The following GFPT2 variants were observed in gnomAD, a reference collection of about 807,000 sequenced individuals.
GFPT2 encodes glutamine--fructose-6-phosphate aminotransferase [isomerizing] 2.
GFPT2 carries 62 observed loss-of-function variants against 85.6 expected under a neutral mutation model. That is an observed-to-expected ratio of 0.72 (90% CI 0.59 to 0.90). GFPT2 has a LOEUF of 0.90. Ranked by LOEUF, GFPT2 falls within the 40% of genes least tolerant of loss-of-function variation. GFPT2 has a pLI of 0.00. For synonymous variants in GFPT2, 368 were observed against 344.5 expected (o/e 1.07, Z -0.75); for missense variants, 788 against 893.4 (o/e 0.88, Z 1.50).
rs1764052758 is a variant in GFPT2, at chr5:180,318,308, G to A, written c.958+485C>T. 1.3e-5 allele frequency among the ~76,000 whole-genome samples: 2 copies of A among 152,140 alleles called. No homozygotes were observed. The highest frequency in any genetic ancestry group is 4.8e-5 in the African/African-American group (2 of 41,422). ...GTAGGAAACCATTGGAGGGCCTTGA[G>A]CAGCGGGATGATCACAGGGGCTGAT... On this transcript the variant is annotated intron_variant, in intron 10 of 18. Coordinates refer to ENST00000253778, the MANE Select transcript of GFPT2 (RefSeq NM_005110.4). This position sits in a 1 kb window ranked among gnomAD's most constrained non-coding sequence, Gnocchi z 4.2.
intron 1 of GFPT2, among the ~76,000 whole-genome samples, chr5:180,339,352 C>T (rs530228247): frequency 6.8e-6 from 1 of 146,752 alleles, no homozygotes; most frequent in South Asian, 2.2e-4. Context: ...AGCACTCCAG[C>T]CTGGCGACAG....
In GFPT2 at chr5:180,336,511, C is replaced by T; in HGVS notation, c.182G>A (p.Gly61Glu). Reference protein sequence around the residue: ...ERHIQLVKKRGKVKALDEELY... With the variant: ...ERHIQLVKKREKVKALDEELY... Reference sequence around the variant, plus strand: ...TTCTTCATCGAGAGCCTTGACTTTCCCCCTTTTCTTGACCAGCTGAATGTG... The same window carrying T: ...TTCTTCATCGAGAGCCTTGACTTTCTCCCTTTTCTTGACCAGCTGAATGTG... Residue 61 changes from glycine (G) to glutamate (E), a missense_variant, in exon 3 of 19, where the codon GGG (glycine) becomes GAG (glutamate). Gly to Glu is a moderately conservative substitution (Grantham distance 98, BLOSUM62 -2). Transcript: ENST00000253778. The T allele has an allele frequency of 6.2e-7, 1 of 1,610,042 alleles. No individual in the cohort carries two copies. The highest frequency in any genetic ancestry group is 1.1e-5 in the South Asian group (1 of 90,978).
At chr5:180,333,456 G>A (rs927271120) in intron 4 of GFPT2, among the ~76,000 whole-genome samples, 6 of 151,866 alleles carry the variant, frequency 4.0e-5, no homozygotes, top group African/African-American at 9.7e-5. Flanking sequence ...GGATGGTCTC[G>A]ATCTCCCGAC....
At chr5:180,303,467 C>T (rs543556234) in intron 17 of GFPT2, among the ~76,000 whole-genome samples, 19 of 152,228 alleles carry the variant, frequency 1.2e-4, no homozygotes, top group South Asian at 6.2e-4. Flanking sequence ...GAGAGTGGGA[C>T]GCAGAAGGAA....
At chr5:180,315,159 G>C (rs546306595) in intron 13 of GFPT2, among the ~76,000 whole-genome samples, 1 of 152,102 alleles carries the variant, frequency 6.6e-6, no homozygotes, top group East Asian at 1.9e-4. Flanking sequence ...TAGTAACACC[G>C]TGGTCATACG....
chr5:180,301,995 G>A (rs1453044320), intron 18 of GFPT2, among the ~76,000 whole-genome samples: 1 of 38,446 alleles, frequency 2.6e-5, no homozygotes, highest in Non-Finnish European at 7.1e-5. Flanking sequence ...TGGTTCATAA[G>A]TACGCTTCTA....
Position 180,317,715 on chromosome 5 carries a change from C to T in GFPT2, c.959-657G>A, listed in dbSNP as rs575850446. ...CGGAGCTTGCAGTGAGCCGAGATCG[C>T]GCCACAGCACTCCAGCCTGGGCGAC... On this transcript the variant is annotated intron_variant, in intron 10 of 18. Transcript: ENST00000253778. Among the ~76,000 whole-genome samples the T allele has an allele frequency of 2.4e-4, 29 of 122,924 alleles. 1 individual carries two copies. The highest frequency in any genetic ancestry group is 4.2e-4 in the Non-Finnish European group (24 of 57,308). 80.6% of individuals were successfully genotyped at this position (122,924 alleles called of 152,430 possible).
rs1228331659 is a variant in GFPT2, at chr5:180,323,320, G to A, written c.794+868C>T. ...CTGGCTGTGCGTTTAATCAGGCCTCGCCTCCCTGTCGCTCCCGTTTCCCAG... is the reference window on the plus strand; with the variant it reads ...CTGGCTGTGCGTTTAATCAGGCCTCACCTCCCTGTCGCTCCCGTTTCCCAG... On this transcript the variant is annotated intron_variant, in intron 9 of 18. Coordinates refer to ENST00000253778, the MANE Select transcript of GFPT2 (RefSeq NM_005110.4). This position sits in a 1 kb window ranked among gnomAD's most constrained non-coding sequence, Gnocchi z 4.0. Among the ~76,000 whole-genome samples the A allele has an allele frequency of 6.6e-6, 1 of 152,066 alleles. No individual in the cohort carries two copies. Among genetic ancestry groups the A allele is most frequent in the Non-Finnish European group, 1.5e-5 (1 of 68,026 alleles).
In GFPT2 at chr5:180,318,618, C is replaced by T. The variant is rs1764058400; in HGVS notation, c.958+175G>A. ...GAGCCCCCGCTTGGAGGTGCCAGGC[C>T]AGCCTCCCCACATCCCCTCACCTGT... On this transcript the variant is annotated intron_variant, in intron 10 of 18. Transcript: ENST00000253778. This position sits in a 1 kb window ranked among gnomAD's most constrained non-coding sequence, Gnocchi z 4.2. 5 of 595,866 alleles carry T rather than the reference C, an allele frequency of 8.4e-6. No homozygotes were observed. The highest frequency in any genetic ancestry group is 1.2e-5 in the Non-Finnish European group (4 of 337,244). The allele number at this position is 595,866 out of a possible 1,614,324, so 36.9% of individuals were successfully genotyped here. A position where few individuals can be genotyped will look rare whatever the true frequency, so the allele number is the denominator to read the frequency against.
chr5:180,343,981 C>A (rs1201605038), intron 1 of GFPT2, among the ~76,000 whole-genome samples: 1 of 152,240 alleles, frequency 6.6e-6, no homozygotes, highest in East Asian at 1.9e-4. Context: ...TGCATGTGCA[C>A]ACGTGCGAGG....
chr5:180,352,541 TC>T, intron 1 of GFPT2: 1 of 444,840 alleles, frequency 2.2e-6, no homozygotes, highest in South Asian at 1.6e-5. Context: ...CCGGCCCCGC[TC>T]CCCGCCCCGG....
At chr5:180,304,681 A>G in intron 17 of GFPT2, 91 bp downstream of exon 17, 1 of 1,184,690 alleles carries the variant, frequency 8.4e-7, no homozygotes, top group Middle Eastern at 2.8e-4. Context: ...TGGCCAGACC[A>G]TCCATCACTG....
chr5:180,319,020 T>G, intron 9 of GFPT2, 64 bp from the exon 10 acceptor site: 1 of 1,526,576 alleles, frequency 6.6e-7, no homozygotes, highest in Non-Finnish European at 9.0e-7. Context: ...CAGCAGCCCC[T>G]TGCTGGTTCC....
chr5:180,324,208 G>GAAT lies in GFPT2; in HGVS notation c.771_773dup (p.Glu257_Phe258insLeu). The GAAT allele has an allele frequency of 6.2e-7, 1 of 1,604,596 alleles. No homozygotes were observed. Among genetic ancestry groups the GAAT allele is most frequent in the South Asian group, 1.1e-5 (1 of 90,766 alleles). ...GTTACCTTGCATCAGAAGCAAAGAAGAATTCCACGGCCTTGTCGCCCACAG... is the reference window on the plus strand; with the variant it reads ...GTTACCTTGCATCAGAAGCAAAGAAGAATAATTCCACGGCCTTGTCGCCCACAG... On this transcript the variant is annotated inframe_insertion, in exon 9 of 19. Transcript: ENST00000253778.
At chr5:180,345,674 T>C (rs1268210777) in intron 1 of GFPT2, among the ~76,000 whole-genome samples, 1 of 152,218 alleles carries the variant, frequency 6.6e-6, no homozygotes, top group Non-Finnish European at 1.5e-5. Context: ...GTCTCATCCA[T>C]TGCTGAGTCC....
In GFPT2 at chr5:180,330,744, C is replaced by T. The variant is rs1162720946; in HGVS notation, c.490G>A (p.Asp164Asn). The change falls in exon 6 of 19, where the codon GAC becomes AAC. Residue 164 changes from aspartate (D) to asparagine (N), a missense_variant. Transcript: ENST00000253778. This position sits in a 1 kb window ranked among gnomAD's most constrained non-coding sequence, Gnocchi z 4.4. ...KYVFDNRETE[D>N]ITFSTLVERV... is the part of the protein sequence containing the mutation. ...TCGACCAACGTTGAAAACGTAATGT[C>T]CTCAGTTTCTCTGTTGTCGAACACA... 6.2e-7 allele frequency: 1 copy of T among 1,613,056 alleles called. No individual in the cohort carries two copies. Among genetic ancestry groups the T allele is most frequent in the Non-Finnish European group, 8.5e-7 (1 of 1,179,060 alleles).
rs199818683 is a variant in GFPT2, at chr5:180,353,292, CCTCCGTGGGCTCCGTGGGCTCCGTGGG to C, written c.-102_-76del. 2.1e-6 allele frequency: 2 copies of C among 949,648 alleles called. No homozygotes were observed. The highest frequency in any genetic ancestry group is 1.8e-5 in the African/African-American group (1 of 55,774). The allele number at this position is 949,648 out of a possible 1,614,324, so 58.8% of individuals were successfully genotyped here. A position where few individuals can be genotyped will look rare whatever the true frequency, so the allele number is the denominator to read the frequency against. On this transcript the variant is annotated 5_prime_UTR_variant, in exon 1 of 19. Coordinates refer to ENST00000253778, the MANE Select transcript of GFPT2 (RefSeq NM_005110.4). ...GGACGCTGGGGCTCCTCCGTGGGCT[CCTCCGTGGGCTCCGTGGGCTCCGTGGG>C]CTCCGCGGGCTCCAGCTCCCGTCCG...
chr5:180,304,128 G>T (rs1763733756), intron 17 of GFPT2, among the ~76,000 whole-genome samples: 1 of 152,222 alleles, frequency 6.6e-6, no homozygotes, highest in Non-Finnish European at 1.5e-5. Context: ...ACAGTGACGT[G>T]CTGGGAGGGT....
At chr5:180,304,736 GGA>G (rs1224994768) in intron 17 of GFPT2, 34 bp downstream of exon 17, 6 of 1,579,304 alleles carry the variant, frequency 3.8e-6, no homozygotes, top group Non-Finnish European at 5.2e-6. Flanking sequence ...GGGAAAAGCA[GGA>G]GAGAGCTGGC....
Sources: gnomAD v4.1 joint callset for allele counts (sites outside exome capture counted in the v4.1 genomes callset) on GRCh38, gnomAD v4.1.1 for gene constraint, Gnocchi (gnomAD v3.1) non-coding constraint, MANE v1.5 for transcripts, NCBI Gene and HGNC (gene_info 2026-07-23, HGNC 2026-07-21) for gene names.